The following MYT1L variants were observed in gnomAD, a reference collection of about 807,000 sequenced individuals.
MYT1L encodes the protein myelin transcription factor 1 like.
Under a neutral mutation model 126.7 loss-of-function variants are expected in MYT1L, and 12 were observed. That is an observed-to-expected ratio of 0.09 (90% CI 0.06 to 0.15). The LOEUF is 0.15. Among genes scored for constraint, MYT1L ranks in the 10% least tolerant of loss-of-function variants. The probability of loss-of-function intolerance (pLI) is 1.00; values close to 1 mark genes in which losing one functional copy is unlikely to be tolerated. For missense variants in MYT1L, 979 were observed against 1,585.2 expected (o/e 0.62, Z 6.49); for synonymous variants, 541 against 604.2 (o/e 0.90, Z 1.53).
At chr2:1,856,436 ATT>A (rs569745300) in intron 18 of MYT1L, among the ~76,000 whole-genome samples, 166 of 152,316 alleles carry the variant, frequency 1.1e-3, no homozygotes, top group Middle Eastern at 3.4e-3. Flanking sequence ...AAAAAATCAT[ATT>A]GTTTTCCATT....
chr2:1,996,580 A>G (rs1395738049), intron 5 of MYT1L, among the ~76,000 whole-genome samples: 2 of 135,436 alleles, frequency 1.5e-5, no homozygotes, highest in Non-Finnish European at 3.1e-5. Flanking sequence ...GGCTGCCTTT[A>G]CCTAGTGAGT....
chr2:1,937,465 T>C lies in MYT1L; in HGVS notation c.505+5517A>G, dbSNP rs1252258456. 5.3e-5 allele frequency among the ~76,000 whole-genome samples: 8 copies of C among 151,268 alleles called. No homozygotes were observed. In the South Asian group the frequency reaches 1.7e-3, roughly 32 times the overall value. ...GAGAAGGCCCTAACGTCCGCAGCCA[T>C]CAGATCGTACGTCGAGAAGGCCCTA... On this transcript the variant is annotated intron_variant, in intron 9 of 24. Transcript: ENST00000647738.
intron 2 of MYT1L, among the ~76,000 whole-genome samples, chr2:2,262,359 G>C (rs759589055): frequency 2.1e-5 from 3 of 141,520 alleles, no homozygotes; most frequent in African/African-American, 5.3e-5. Flanking sequence ...GAAAGACTCC[G>C]TCTCAAAACA....
intron 3 of MYT1L, among the ~76,000 whole-genome samples, chr2:2,144,950 A>T (rs926947248): frequency 1.1e-4 from 16 of 152,236 alleles, no homozygotes; most frequent in Non-Finnish European, 2.4e-4. Context: ...GGAAAAAAAT[A>T]AAATGGGCTG....
rs1342176046 is a variant in MYT1L at position 1,912,632 on chromosome 2, A to G, written c.1619-522T>C. Among the ~76,000 whole-genome samples, 3 of 152,232 alleles carry G rather than the reference A, an allele frequency of 2.0e-5. No homozygotes were observed. Among genetic ancestry groups the G allele is most frequent in the Non-Finnish European group, 2.9e-5 (2 of 68,038 alleles). On this transcript the variant is annotated intron_variant, in intron 11 of 24. Transcript: ENST00000647738. The surrounding 1 kb of genome is among the most constrained non-coding windows in gnomAD (Gnocchi z 4.3). The stretch of plus-strand genomic sequence containing the variant: ...GATGAATACAGAACCACAAACCTTA[A>G]TTTTAAATAAAATGAATTAAATAAT...
chr2:2,043,507 T>C (rs192078678), intron 4 of MYT1L, among the ~76,000 whole-genome samples: 2 of 152,302 alleles, frequency 1.3e-5, no homozygotes, highest in East Asian at 3.9e-4. Context: ...CGCGGTGCTT[T>C]CTCCCCTGGG....
chr2:2,213,025 A>C (rs1475784088), intron 2 of MYT1L, among the ~76,000 whole-genome samples: 2 of 152,132 alleles, frequency 1.3e-5, no homozygotes, highest in African/African-American at 4.8e-5. Context: ...TCAACCAGAG[A>C]CTTTGGGATG....
intron 3 of MYT1L, among the ~76,000 whole-genome samples, chr2:2,163,054 T>G (rs540019193): frequency 6.6e-6 from 1 of 152,272 alleles, no homozygotes; most frequent in African/African-American, 2.4e-5. Context: ...AGGTAGAATG[T>G]AGAAATAAGA....
intron 1 of MYT1L, among the ~76,000 whole-genome samples, chr2:2,298,552 T>C (rs1466722549): frequency 6.6e-6 from 1 of 152,216 alleles, no homozygotes; most frequent in Non-Finnish European, 1.5e-5. Flanking sequence ...AAAACATAAA[T>C]ACGTAATGTG....
At chr2:2,213,542 G>A (rs1299942213) in intron 2 of MYT1L, among the ~76,000 whole-genome samples, 1 of 152,156 alleles carries the variant, frequency 6.6e-6, no homozygotes, top group African/African-American at 2.4e-5. Flanking sequence ...CTGACCCAGG[G>A]CAGGGGATGA....
intron 13 of MYT1L, among the ~76,000 whole-genome samples, chr2:1,904,640 G>T (rs2050792376): frequency 6.6e-6 from 1 of 151,688 alleles, no homozygotes; most frequent in South Asian, 2.1e-4. Context: ...CAAAGTCCTG[G>T]GATTATAGGC....
At chr2:1,999,113 A>G (rs1320514012) in intron 4 of MYT1L, among the ~76,000 whole-genome samples, 15 of 152,176 alleles carry the variant, frequency 9.9e-5, no homozygotes, top group Admixed American at 9.8e-4. Context: ...TAGACTTTCA[A>G]TGTCTGAATT....
rs1456252581 is a variant in MYT1L, at chr2:1,801,400, CTTCA to C, written c.3276+292_3276+295del. 7.0e-6 allele frequency: 2 copies of C among 287,486 alleles called. No homozygotes were observed. Among genetic ancestry groups the C allele is most frequent in the Non-Finnish European group, 1.3e-5 (2 of 157,026 alleles). 17.8% of individuals were successfully genotyped at this position (287,486 alleles called of 1,614,324 possible). A position where few individuals can be genotyped will look rare whatever the true frequency, so the allele number is the denominator to read the frequency against. On this transcript the variant is annotated intron_variant, in intron 23 of 24. Coordinates refer to ENST00000647738, the MANE Select transcript of MYT1L (RefSeq NM_001303052.2). This position sits in a 1 kb window ranked among gnomAD's most constrained non-coding sequence, Gnocchi z 4.2. Reference sequence around the variant, plus strand: ...ACCTGAAGTATCTTGGAAGGAAAACCTTCATTGTTTGCAGGAACAGGCGATCCTC... The same window carrying C: ...ACCTGAAGTATCTTGGAAGGAAAACCTTGTTTGCAGGAACAGGCGATCCTC...
intron 2 of MYT1L, among the ~76,000 whole-genome samples, chr2:2,219,227 G>A (rs774554408): frequency 5.9e-5 from 9 of 152,098 alleles, no homozygotes; most frequent in African/African-American, 9.7e-5. Flanking sequence ...GAGCAGAAGC[G>A]CTCCATTTAG....
intron 10 of MYT1L, among the ~76,000 whole-genome samples, chr2:1,921,803 C>T (rs1277996807): frequency 2.0e-5 from 3 of 152,112 alleles, no homozygotes; most frequent in Non-Finnish European, 4.4e-5. Context: ...GTGTTTTCTA[C>T]GAGGGCAGTT....
At chr2:2,008,222 T>G (rs907007134) in intron 4 of MYT1L, among the ~76,000 whole-genome samples, 1 of 152,312 alleles carries the variant, frequency 6.6e-6, no homozygotes, top group Non-Finnish European at 1.5e-5. Context: ...CGCCCCACAC[T>G]TTCCTCAAAC....
chr2:2,097,588 C>T (rs1034997875), intron 3 of MYT1L, among the ~76,000 whole-genome samples: 2 of 152,116 alleles, frequency 1.3e-5, no homozygotes, highest in African/African-American at 2.4e-5. Context: ...GTGGAAACTC[C>T]ACCTCATAAT....
chr2:1,858,641 T>C (rs2044205964), intron 18 of MYT1L, among the ~76,000 whole-genome samples: 1 of 152,134 alleles, frequency 6.6e-6, no homozygotes, highest in African/African-American at 2.4e-5. Context: ...GAAACAACTA[T>C]CCTGTATCAC....
intron 2 of MYT1L, among the ~76,000 whole-genome samples, chr2:2,218,434 ATACC>A (rs1260338705): frequency 6.6e-6 from 1 of 152,220 alleles, no homozygotes; most frequent in African/African-American, 2.4e-5. Flanking sequence ...GAATCTCAAA[ATACC>A]TATGTTGAGT....
Sources: gnomAD v4.1 joint callset for allele counts (sites outside exome capture counted in the v4.1 genomes callset) on GRCh38, gnomAD v4.1.1 for gene constraint, Gnocchi (gnomAD v3.1) non-coding constraint, MANE v1.5 for transcripts, NCBI Gene and HGNC (gene_info 2026-07-23, HGNC 2026-07-21) for gene names.